Variants in TMEM114 observed in about 807,000 individuals in gnomAD.
The protein encoded by TMEM114 is transmembrane protein 114, also known as claudin-26.
Under a neutral mutation model 6.2 loss-of-function variants are expected in TMEM114, and 6 were observed. The observed-to-expected ratio is 0.97, with a 90% CI of 0.53 to 1.91. The LOEUF (loss-of-function observed/expected upper bound fraction) is 1.91. Among genes scored for constraint, TMEM114 ranks in the 40% most tolerant of loss-of-function variants. The pLI is 0.01. For missense variants in TMEM114, 218 were observed against 158.3 expected (o/e 1.38, Z -2.02); for synonymous variants, 104 against 73.0 (o/e 1.42, Z -2.16).
intron 2 of TMEM114, 135 bp from the exon 3 acceptor site, chr16:8,572,359 A>G (rs935112926): frequency 2.2e-6 from 2 of 909,328 alleles, no homozygotes; most frequent in African/African-American, 1.6e-5. Context: ...GATTACTTCT[A>G]CTGTTTCTGA....
chr16:8,535,526 C>T (rs970642991), downstream of TMEM114, among the ~76,000 whole-genome samples: 5 of 151,944 alleles, frequency 3.3e-5, no homozygotes, highest in African/African-American at 4.8e-5. Flanking sequence ...CAGTTTATTA[C>T]TTTTTTAATA....
chr16:8,577,322 G>A (rs1246214264), intron 2 of TMEM114, among the ~76,000 whole-genome samples: 7 of 152,150 alleles, frequency 4.6e-5, no homozygotes, highest in Admixed American at 1.3e-4. Flanking sequence ...CAGCTACTGC[G>A]CTGGACTCAA....
intron 2 of TMEM114, among the ~76,000 whole-genome samples, chr16:8,562,270 G>T (rs1251357000): frequency 8.2e-6 from 1 of 122,034 alleles, no homozygotes; most frequent in Non-Finnish European, 1.7e-5. Flanking sequence ...GTGAGGGAGG[G>T]AGGGAATGAG....
At chr16:8,528,518 G>C in the TMEM114 span, among the ~76,000 whole-genome samples, 11 of 152,162 alleles carry the variant, frequency 7.2e-5, no homozygotes, top group African/African-American at 1.7e-4. Context: ...CTGGAAGCCA[G>C]AGTTGAGGAG....
At chr16:8,530,633 G>A in the TMEM114 span, among the ~76,000 whole-genome samples, 3 of 151,880 alleles carry the variant, frequency 2.0e-5, no homozygotes, top group South Asian at 2.1e-4. Context: ...ATGAAGGGAG[G>A]TAAGGGGGGA....
At chr16:8,563,163 GAGTGAGTA>G (rs1901341071) in intron 2 of TMEM114, among the ~76,000 whole-genome samples, 1 of 151,024 alleles carries the variant, frequency 6.6e-6, no homozygotes, top group Non-Finnish European at 1.5e-5. Context: ...ATGAGTGAGT[GAGTGAGTA>G]AATGAGTGAG....
At chr16:8,543,553 C>G (rs192976789) in intron 2 of TMEM114, among the ~76,000 whole-genome samples, 3 of 152,142 alleles carry the variant, frequency 2.0e-5, no homozygotes, top group East Asian at 1.9e-4. Flanking sequence ...CCCCTCCCAC[C>G]GAAACATCAT....
At chr16:8,584,837 G>A (rs1902263494) in intron 2 of TMEM114, among the ~76,000 whole-genome samples, 1 of 149,288 alleles carries the variant, frequency 6.7e-6, no homozygotes. Flanking sequence ...CAGAAGAATT[G>A]CTTAAATCCA....
chr16:8,548,121 T>G (rs988210337), intron 2 of TMEM114, among the ~76,000 whole-genome samples: 12 of 152,310 alleles, frequency 7.9e-5, no homozygotes, highest in South Asian at 4.1e-4. Context: ...GTTCTTCAAA[T>G]AAGTTACTTA....
Position 8,548,428 on chromosome 16 carries a change from C to G in TMEM114, n.213-10602G>C, listed in dbSNP as rs187163612. 4.3e-4 allele frequency among the ~76,000 whole-genome samples: 66 copies of G among 152,272 alleles called. No individual in the cohort carries two copies. The Middle Eastern group carries it at 0.01, about 24-fold the overall frequency. ...CAGATACTAGCCATGTACAGCATGGCTTTACAACCTTTTATTATTATTACC... is the reference window on the plus strand; with the variant it reads ...CAGATACTAGCCATGTACAGCATGGGTTTACAACCTTTTATTATTATTACC... On this transcript the variant is annotated intron_variant and non_coding_transcript_variant, in intron 2 of 2. Transcript: ENST00000623677.
chr16:8,527,500 TAAC>T, the TMEM114 span, among the ~76,000 whole-genome samples: 540 of 152,248 alleles, frequency 3.5e-3, 1 homozygote, highest in East Asian at 0.034. Context: ...CAAAATAAGA[TAAC>T]AACTGTAACA....
chr16:8,528,407 C>G, the TMEM114 span, among the ~76,000 whole-genome samples: 3 of 152,320 alleles, frequency 2.0e-5, no homozygotes. Context: ...GGCATCAACA[C>G]TCTGCTGCCC....
chr16:8,570,092 G>A (rs1245236221), intron 3 of TMEM114, 87 bp from the exon 4 acceptor site: 3 of 1,474,610 alleles, frequency 2.0e-6, no homozygotes, highest in Non-Finnish European at 2.7e-6. Context: ...CAGCCACGCT[G>A]CTCAGCGTCC....
At chr16:8,582,292 G>GA (rs146024340) in intron 2 of TMEM114, among the ~76,000 whole-genome samples, 2,332 of 147,410 alleles carry the variant, frequency 0.016, 58 homozygotes, top group African/African-American at 0.055. Flanking sequence ...GTAAGACATA[G>GA]AAAAAAAAAA....
chr16:8,554,752 G>A (rs912316078), intron 2 of TMEM114, among the ~76,000 whole-genome samples: 3 of 152,198 alleles, frequency 2.0e-5, no homozygotes, highest in African/African-American at 7.2e-5. Context: ...ACTCACAGAT[G>A]AGAAGTCCTG....
rs115601959 is a variant in TMEM114 at position 8,556,325 on chromosome 16, G to A, written n.213-18499C>T. ...GATCCTTCTAGGGCACAAAAGTATC[G>A]CCTCCTCCATAGAACTCCCCACTGG... On this transcript the variant is annotated intron_variant and non_coding_transcript_variant, in intron 2 of 2. Transcript: ENST00000623677. Among the ~76,000 whole-genome samples, 1,249 of 152,136 alleles carry A rather than the reference G, an allele frequency of 8.2e-3. 12 individuals are homozygous for A. Among genetic ancestry groups the A allele is most frequent in the South Asian group, 0.028 (135 of 4,824 alleles).
At chr16:8,554,845 G>C (rs1900956357) in intron 2 of TMEM114, among the ~76,000 whole-genome samples, 1 of 152,198 alleles carries the variant, frequency 6.6e-6, no homozygotes, top group African/African-American at 2.4e-5. Context: ...CTGTCTTAAG[G>C]ATGAGGAAGT....
At chr16:8,541,390 C>T (rs867541328) in intron 2 of TMEM114, among the ~76,000 whole-genome samples, 7 of 152,034 alleles carry the variant, frequency 4.6e-5, no homozygotes, top group Middle Eastern at 3.4e-3. Context: ...CAGGACCTCC[C>T]CAAGCACTAC....
chr16:8,528,028 C>T, the TMEM114 span, among the ~76,000 whole-genome samples: 414 of 152,294 alleles, frequency 2.7e-3, 5 homozygotes, highest in African/African-American at 9.4e-3. Flanking sequence ...CCCGCCTCAG[C>T]TTCCTGCGTA....
Sources: allele counts gnomAD v4.1 joint callset (sites outside exome capture counted in the v4.1 genomes callset), GRCh38; gene constraint gnomAD v4.1.1; transcripts MANE v1.5; gene names NCBI Gene and HGNC (gene_info 2026-07-23, HGNC 2026-07-21).